Variants in NR3C2 observed in about 807,000 individuals in gnomAD.
The protein encoded by NR3C2 is mineralocorticoid receptor.
Under a neutral mutation model 86.4 loss-of-function variants are expected in NR3C2, and 15 were observed. The ratio of observed to expected loss-of-function variants is 0.17; its 90% CI spans 0.12 to 0.27. The LOEUF (loss-of-function observed/expected upper bound fraction) is 0.27. Among genes scored for constraint, NR3C2 ranks in the 10% least tolerant of loss-of-function variants. The pLI is 1.00. For synonymous variants in NR3C2, 458 were observed against 450.5 expected (o/e 1.02, Z -0.21); for missense variants, 960 against 1,195.6 (o/e 0.80, Z 2.91).
intron 2 of NR3C2, among the ~76,000 whole-genome samples, chr4:148,419,312 G>A (rs1019370349): frequency 6.6e-6 from 1 of 152,038 alleles, no homozygotes; most frequent in Non-Finnish European, 1.5e-5. Flanking sequence ...TCTTAATCTG[G>A]GGCTCATGGG....
intron 8 of NR3C2, among the ~76,000 whole-genome samples, chr4:148,110,058 T>C (rs1490899730): frequency 1.3e-5 from 2 of 152,264 alleles, no homozygotes; most frequent in Non-Finnish European, 2.9e-5. Context: ...GGATTCTATA[T>C]GCTTTACATA....
At chr4:148,121,235 G>A (rs1732492252) in intron 6 of NR3C2, among the ~76,000 whole-genome samples, 1 of 152,200 alleles carries the variant, frequency 6.6e-6, no homozygotes, top group African/African-American at 2.4e-5. Context: ...GGCAGCGTCT[G>A]CAGGAAAGCA....
At chr4:148,272,659 A>G (rs1369818309) in intron 2 of NR3C2, among the ~76,000 whole-genome samples, 1 of 152,250 alleles carries the variant, frequency 6.6e-6, no homozygotes, top group Non-Finnish European at 1.5e-5. Context: ...TGTTAAGTAT[A>G]CCAAAATAAC....
At chr4:148,219,739 T>C (rs1021881140) in intron 3 of NR3C2, among the ~76,000 whole-genome samples, 1 of 152,186 alleles carries the variant, frequency 6.6e-6, no homozygotes, top group Non-Finnish European at 1.5e-5. Flanking sequence ...TGCAAAGATA[T>C]AAAACAACGG....
chr4:148,125,397 T>TG (rs1038657954), intron 6 of NR3C2, among the ~76,000 whole-genome samples: 3 of 152,238 alleles, frequency 2.0e-5, no homozygotes, highest in Non-Finnish European at 4.4e-5. Context: ...CTGGCCTTGT[T>TG]GGAGTCTAGC....
intron 8 of NR3C2, among the ~76,000 whole-genome samples, chr4:148,113,515 GAA>G (rs57815759): frequency 0.029 from 4,165 of 145,676 alleles, 186 homozygotes; most frequent in African/African-American, 0.097. Flanking sequence ...AAGGTTATTT[GAA>G]AAAAAAAAAA....
chr4:148,116,894 G>A (rs1732297344), intron 7 of NR3C2, among the ~76,000 whole-genome samples: 1 of 152,134 alleles, frequency 6.6e-6, no homozygotes, highest in Non-Finnish European at 1.5e-5. Flanking sequence ...AGTATCACAA[G>A]CACTTTAAAA....
chr4:148,347,516 A>T (rs961008301), intron 2 of NR3C2, among the ~76,000 whole-genome samples: 1 of 152,130 alleles, frequency 6.6e-6, no homozygotes, highest in East Asian at 1.9e-4. Context: ...AAAATTATGT[A>T]TGTCTAGTAT....
chr4:148,086,714 C>T (rs1185231694), intron 8 of NR3C2, among the ~76,000 whole-genome samples: 1 of 152,280 alleles, frequency 6.6e-6, no homozygotes, highest in East Asian at 1.9e-4. Context: ...TGCAATCCAG[C>T]CTGAGTGACA....
At chr4:148,304,352 T>TTTA (rs141707087) in intron 2 of NR3C2, among the ~76,000 whole-genome samples, 79 of 130,050 alleles carry the variant, frequency 6.1e-4, no homozygotes, top group Non-Finnish European at 8.4e-4. Flanking sequence ...TTTTTTTTTT[T>TTTA]AACCAGTTGG....
At chr4:148,200,964 G>C (rs948157631) in intron 3 of NR3C2, 14 of 152,044 alleles carry the variant, frequency 9.2e-5, no homozygotes, top group African/African-American at 3.4e-4. Flanking sequence ...ACATCAATAG[G>C]TTAAAAAAAG....
At chr4:148,337,509 TAAA>T (rs1017507113) in intron 2 of NR3C2, among the ~76,000 whole-genome samples, 1 of 152,216 alleles carries the variant, frequency 6.6e-6, no homozygotes, top group Non-Finnish European at 1.5e-5. Context: ...AGTTGAAACA[TAAA>T]GAAGAAAAGT....
chr4:148,298,068 A>G (rs569515436), intron 2 of NR3C2, among the ~76,000 whole-genome samples: 1 of 152,180 alleles, frequency 6.6e-6, no homozygotes, highest in South Asian at 2.1e-4. Context: ...TATCTGCCTC[A>G]TGGTCCAACA....
chr4:148,403,646 G>A (rs1408981993), intron 2 of NR3C2, among the ~76,000 whole-genome samples: 1 of 152,004 alleles, frequency 6.6e-6, no homozygotes, highest in Admixed American at 6.5e-5. Context: ...ATAATATTAA[G>A]ACAACCTTTT....
intron 4 of NR3C2, among the ~76,000 whole-genome samples, chr4:148,173,061 A>G (rs181620577): frequency 1.2e-4 from 18 of 152,340 alleles, no homozygotes; most frequent in Admixed American, 1.2e-3. Context: ...TGTAGGGGCC[A>G]TCTCAGAACT....
At chr4:148,390,353 T>A (rs895969591) in intron 2 of NR3C2, among the ~76,000 whole-genome samples, 2 of 152,146 alleles carry the variant, frequency 1.3e-5, no homozygotes, top group African/African-American at 4.8e-5. Context: ...CAGAAAAGTA[T>A]CTTGGGGTGG....
intron 3 of NR3C2, among the ~76,000 whole-genome samples, chr4:148,256,588 C>T (rs939461522): frequency 1.3e-5 from 2 of 152,098 alleles, no homozygotes; most frequent in African/African-American, 4.8e-5. Flanking sequence ...AATCTCACAC[C>T]TAGTGAGTGA....
At chr4:148,298,418 T>C (rs191598307) in intron 2 of NR3C2, among the ~76,000 whole-genome samples, 9 of 152,268 alleles carry the variant, frequency 5.9e-5, no homozygotes, top group Admixed American at 5.2e-4. Flanking sequence ...GTGATGGAAA[T>C]GTGTTGCGCC....
At chr4:148,197,156 A>G (rs1339852351) in intron 3 of NR3C2, among the ~76,000 whole-genome samples, 6 of 152,204 alleles carry the variant, frequency 3.9e-5, no homozygotes, top group Admixed American at 2.0e-4. Context: ...CTAATTTGCA[A>G]TATAATTTAC....
Sources: allele counts gnomAD v4.1 joint callset (sites outside exome capture counted in the v4.1 genomes callset), GRCh38; gene constraint gnomAD v4.1.1; transcripts MANE v1.5; gene names NCBI Gene and HGNC (gene_info 2026-07-23, HGNC 2026-07-21).